HELT: variants seen among roughly 807,000 people sequenced by gnomAD.
HELT encodes hairy and enhancer of split-related protein HELT.
In HELT, 9 loss-of-function variants were observed where a neutral mutation model predicts 19.5. The ratio of observed to expected loss-of-function variants is 0.46; its 90% confidence interval spans 0.28 to 0.80. The LOEUF (loss-of-function observed/expected upper bound fraction) is 0.80. Ranked by LOEUF, HELT falls within the 30% of genes least tolerant of loss-of-function variation. HELT has a pLI of 0.12. For synonymous variants in HELT, 162 were observed against 148.3 expected, an observed-to-expected ratio of 1.09 and a Z score of -0.67; for missense variants, 366 against 326.3, an observed-to-expected ratio of 1.12 and a Z score of -0.94.
rs753315506 is a variant in HELT, at chr4:185,019,769, C to A, written c.155C>A (p.Ala52Glu). 6.2e-7 allele frequency: 1 copy of A among 1,613,662 alleles called. No homozygotes were observed. Among genetic ancestry groups the A allele is most frequent in the Admixed American group, 1.7e-5 (1 of 60,022 alleles). ...CAGAGTTCCGGGAAGCTGGAGAAGG[C>A]GGAGATCCTCGAGATGACCGTTCAG... is the stretch of plus-strand genomic sequence containing the variant. ...AKQSSGKLEK[A>E]EILEMTVQYL... The change falls in exon 3 of 4, where the codon GCG becomes GAG. Residue 52 changes from alanine (A) to glutamate (E), a missense_variant. By Grantham distance (107) the Ala-to-Glu change is moderately radical (BLOSUM62 -1). Coordinates refer to ENST00000515777, the MANE Select transcript of HELT (RefSeq NM_001300781.2).
In HELT at chr4:185,019,716, C is replaced by T. The variant is rs1340983078; in HGVS notation, c.133-31C>T. 5 of 1,612,176 alleles carry T rather than the reference C, an allele frequency of 3.1e-6. No homozygotes were observed. The African/African-American group carries it at 5.3e-5, about 17-fold the overall frequency. ...CAGTGCCCGACCAGCAGGCGCTGGG[C>T]CGCTGCGAGGGGCCCTTCCTCCTTT... On this transcript the variant is annotated intron_variant, in intron 2 of 3. Coordinates refer to ENST00000515777, the MANE Select transcript of HELT (RefSeq NM_001300781.2).
chr4:185,019,979 G>C, intron 3 of HELT, 136 bp downstream of exon 3: 1 of 903,032 alleles, frequency 1.1e-6, no homozygotes, highest in Non-Finnish European at 1.7e-6. Flanking sequence ...CAGGGGTCCT[G>C]CGAAGGCGCC....
Position 185,018,865 on chromosome 4 carries a change from C to T in HELT, c.-64C>T. On this transcript the variant is annotated 5_prime_UTR_variant, in exon 1 of 4. The change creates a new upstream start codon in the 5' untranslated region. Transcript: ENST00000515777. ...TACCTGGGACACTCGAGGAGGCACA[C>T]GAGGCGGAAAAGTGGACGGGTGCCC... The T allele has an allele frequency of 1.3e-6, 2 of 1,521,732 alleles. No homozygotes were observed. Among genetic ancestry groups the T allele is most frequent in the Admixed American group, 1.9e-5 (1 of 52,738 alleles). 94.3% of individuals were successfully genotyped at this position (1,521,732 alleles called of 1,614,324 possible). A position where few individuals can be genotyped will look rare whatever the true frequency, so the allele number is the denominator to read the frequency against.
chr4:185,018,973 A>C lies in HELT; in HGVS notation c.27+18A>C. Reference sequence around the variant, plus strand: ...AACGCAAAGTGAGTCGGCTGAGCCCAAATGGCACTTGCGCCCTGGTGGTGG... The same window carrying C: ...AACGCAAAGTGAGTCGGCTGAGCCCCAATGGCACTTGCGCCCTGGTGGTGG... On this transcript the variant is annotated intron_variant, in intron 1 of 3. Transcript: ENST00000515777. 6.2e-7 allele frequency: 1 copy of C among 1,613,792 alleles called. No individual in the cohort carries two copies. Among genetic ancestry groups the C allele is most frequent in the Non-Finnish European group, 8.5e-7 (1 of 1,179,802 alleles).
chr4:185,019,268 T>C, intron 1 of HELT, 119 bp from the exon 2 acceptor site: 1 of 1,129,278 alleles, frequency 8.9e-7, no homozygotes, highest in South Asian at 1.6e-5. Flanking sequence ...AGTCCCTTCC[T>C]AGAGCGAATC....
chr4:185,020,133 C>G (rs1734024668), intron 3 of HELT, 140 bp from the exon 4 acceptor site: 1 of 1,269,878 alleles, frequency 7.9e-7, no homozygotes, highest in Non-Finnish European at 1.1e-6. Context: ...GTCTCTAAGA[C>G]TGCGCAGAGG....
Position 185,020,215 on chromosome 4 carries a change from C to T in HELT, c.230-58C>T. 3 of 1,574,438 alleles carry T rather than the reference C, an allele frequency of 1.9e-6. No individual in the cohort carries two copies. In the South Asian group the frequency reaches 3.6e-5, roughly 19 times the overall value. The stretch of plus-strand genomic sequence containing the variant: ...AGGTGCCCTGCACCCGCTTTGGGCT[C>T]GCGTGGGGAAGGGGCACTCAGGGTG... On this transcript the variant is annotated intron_variant, in intron 3 of 3. Transcript: ENST00000515777.
Position 185,018,593 on chromosome 4 carries a change from G to A in HELT, c.-336G>A, listed in dbSNP as rs1733962557. On this transcript the variant is annotated 5_prime_UTR_variant, in exon 1 of 4. The change abolishes an upstream ATG in the 5' untranslated region. Transcript: ENST00000515777. ...CCGCCCGAGCTGTTGCCATGCAAATGTTATTCCTGGGCCGATCACGTGTCC... is the reference window on the plus strand; with the variant it reads ...CCGCCCGAGCTGTTGCCATGCAAATATTATTCCTGGGCCGATCACGTGTCC... 1.3e-5 allele frequency among the ~76,000 whole-genome samples: 2 copies of A among 152,138 alleles called. No individual in the cohort carries two copies. The highest frequency in any genetic ancestry group is 6.5e-5 in the Admixed American group (1 of 15,288).
Position 185,020,604 on chromosome 4 carries a change from G to A in HELT, c.561G>A (p.Ala187=). 1 of 1,597,302 alleles carries A rather than the reference G, an allele frequency of 6.3e-7. No individual in the cohort carries two copies. The highest frequency in any genetic ancestry group is 8.5e-7 in the Non-Finnish European group (1 of 1,176,392). The change falls in exon 4 of 4, where the codon GCG becomes GCA. Residue 187 remains alanine, a synonymous_variant. Transcript: ENST00000515777. The part of the protein sequence containing the change: ...PWPPGAARSP[A]LPYLPSAPVP... The stretch of plus-strand genomic sequence containing the variant: ...CGCCTGGCGCGGCCCGCAGCCCCGC[G>A]CTGCCCTACCTGCCCAGCGCGCCAG...
intron 2 of HELT, 72 bp from the exon 3 acceptor site, chr4:185,019,675 G>T: frequency 1.9e-6 from 3 of 1,610,842 alleles, no homozygotes; most frequent in Non-Finnish European, 2.5e-6. Context: ...CCGCTCGCTG[G>T]TCCTCTCCAG....
Position 185,019,782 on chromosome 4 carries a change from G to GA in HELT, c.169dup (p.Met57AsnfsTer13). The GA allele has an allele frequency of 6.2e-7, 1 of 1,613,828 alleles. No individual in the cohort carries two copies. Among genetic ancestry groups the GA allele is most frequent in the Non-Finnish European group, 8.5e-7 (1 of 1,180,038 alleles). ...AGCTGGAGAAGGCGGAGATCCTCGA[G>GA]ATGACCGTTCAGTACCTGAGAGCAC... On this transcript the variant is annotated frameshift_variant, in exon 3 of 4. Transcript: ENST00000515777. LOFTEE classifies it high-confidence loss of function.
intron 2 of HELT, 118 bp downstream of exon 2, chr4:185,019,609 G>C (rs1318595686): frequency 2.5e-6 from 4 of 1,582,056 alleles, no homozygotes; most frequent in Non-Finnish European, 3.4e-6. Flanking sequence ...TCCCAGGCGG[G>C]GGGCCTGAGC....
rs1303265943 is a variant in HELT at position 185,020,601 on chromosome 4, C to A, written c.558C>A (p.Pro186=). 6.3e-7 allele frequency: 1 copy of A among 1,596,478 alleles called. No individual in the cohort carries two copies. Among genetic ancestry groups the A allele is most frequent in the Middle Eastern group, 1.8e-4 (1 of 5,688 alleles). The change falls in exon 4 of 4, where the codon CCC becomes CCA. Residue 186 remains proline, a synonymous_variant. Coordinates refer to ENST00000515777, the MANE Select transcript of HELT (RefSeq NM_001300781.2). ...FPWPPGAARS[P]ALPYLPSAPV... ...GGCCGCCTGGCGCGGCCCGCAGCCC[C>A]GCGCTGCCCTACCTGCCCAGCGCGC...
In HELT at chr4:185,020,422, C is replaced by A. The variant is rs767222911; in HGVS notation, c.379C>A (p.Arg127Ser). 6.2e-7 allele frequency: 1 copy of A among 1,614,146 alleles called. No individual in the cohort carries two copies. The highest frequency in any genetic ancestry group is 8.5e-7 in the Non-Finnish European group (1 of 1,180,050). The change falls in exon 4 of 4, where the codon CGC (arginine) becomes AGC (serine). Residue 127 changes from arginine (R) to serine (S), a missense_variant. Physicochemically the swap from Arg to Ser is moderately radical, Grantham distance 110. Transcript: ENST00000515777. ...RILAFLQSKA[R>S]LGAEPAFPPL... ...CCTCGCCTTCTTGCAGTCCAAGGCC[C>A]GCCTGGGCGCGGAGCCCGCCTTTCC...
In HELT at chr4:185,019,815, C is replaced by A; in HGVS notation, c.201C>A (p.Ser67=). The A allele has an allele frequency of 6.2e-7, 1 of 1,613,728 alleles. No individual in the cohort carries two copies. The highest frequency in any genetic ancestry group is 8.5e-7 in the Non-Finnish European group (1 of 1,179,970). The change falls in exon 3 of 4, where the codon TCC becomes TCA. Residue 67 remains serine (S), a synonymous_variant. Coordinates refer to ENST00000515777, the MANE Select transcript of HELT (RefSeq NM_001300781.2). The stretch of plus-strand genomic sequence containing the variant: ...TTCAGTACCTGAGAGCACTGCACTC[C>A]GCTGATTTTCCCCGGGGAAGGGAAA... ...MTVQYLRALH[S]ADFPRGREKA...
chr4:185,020,932 C>A lies in HELT; in HGVS notation c.*160C>A, dbSNP rs1416895307. 1.2e-6 allele frequency: 1 copy of A among 867,528 alleles called. No individual in the cohort carries two copies. The highest frequency in any genetic ancestry group is 1.6e-6 in the Non-Finnish European group (1 of 621,178). 53.7% of individuals were successfully genotyped at this position (867,528 alleles called of 1,614,324 possible). A position where few individuals can be genotyped will look rare whatever the true frequency, so the allele number is the denominator to read the frequency against. On this transcript the variant is annotated 3_prime_UTR_variant, in exon 4 of 4. Coordinates refer to ENST00000515777, the MANE Select transcript of HELT (RefSeq NM_001300781.2). ...TGAAGGATCTCCCCCTGGTAATAAA[C>A]GTTTTCTGATAAAGACCCAAAGAGA...
chr4:185,019,214 C>T, intron 1 of HELT, 173 bp from the exon 2 acceptor site: 1 of 1,287,652 alleles, frequency 7.8e-7, no homozygotes. Context: ...CCAGCGCGGG[C>T]GTCAGAAGGC....
Position 185,020,272 on chromosome 4 carries a change from G to T in HELT, c.230-1G>T. 1.2e-6 allele frequency: 2 copies of T among 1,611,972 alleles called. No individual in the cohort carries two copies. The highest frequency in any genetic ancestry group is 1.7e-6 in the Non-Finnish European group (2 of 1,178,376). ...TCCTACGGGCTTTCTCGTTCCTCCA[G>T]CAGAACTTCTAGCGGAGTTTGCCAA... is the stretch of plus-strand genomic sequence containing the variant. On this transcript the variant is annotated splice_acceptor_variant, in intron 3 of 3. Transcript: ENST00000515777. LOFTEE classifies it high-confidence loss of function.
chr4:185,020,150 C>T, intron 3 of HELT, 123 bp from the exon 4 acceptor site: 2 of 1,379,802 alleles, frequency 1.4e-6, no homozygotes, highest in Non-Finnish European at 2.0e-6. Flanking sequence ...GAGGAGAGGG[C>T]GGGCCTCAAA....
Sources: gnomAD v4.1 joint callset for allele counts (sites outside exome capture counted in the v4.1 genomes callset) on GRCh38, gnomAD v4.1.1 for gene constraint, MANE v1.5 for transcripts, NCBI Gene and HGNC (gene_info 2026-07-23, HGNC 2026-07-21) for gene names.